Variants in RALGPS1 observed in about 807,000 individuals in gnomAD.
RALGPS1 encodes the protein Ral GEF with PH domain and SH3 binding motif 1.
In RALGPS1, 19 loss-of-function variants were observed where a neutral mutation model predicts 78.8. The observed-to-expected ratio is 0.24, with a 90% CI of 0.17 to 0.35. The LOEUF (loss-of-function observed/expected upper bound fraction) is 0.35, where lower values mean the gene tolerates loss of function less well. Ranked by LOEUF, RALGPS1 falls within the 10% of genes least tolerant of loss-of-function variation. The pLI, the probability that RALGPS1 is intolerant of heterozygous loss-of-function variation, is 1.00. For synonymous variants in RALGPS1, 228 were observed against 256.3 expected, an observed-to-expected ratio of 0.89 and a Z score of 1.06; for missense variants, 454 against 688.3, an observed-to-expected ratio of 0.66 and a Z score of 3.81.
At chr9:127,210,695 C>T in intron 14 of RALGPS1, 1 of 1,549,830 alleles carries the variant, frequency 6.5e-7, no homozygotes, top group Non-Finnish European at 8.7e-7. Flanking sequence ...TCCTCTGAAG[C>T]AGGGGACGTC....
At chr9:127,090,669 G>A (rs921651207) in intron 8 of RALGPS1, among the ~76,000 whole-genome samples, 28 of 152,224 alleles carry the variant, frequency 1.8e-4, no homozygotes, top group African/African-American at 6.8e-4. Context: ...CTTCTCAAGT[G>A]GGAGGGAGTA....
intron 14 of RALGPS1, chr9:127,210,795 G>A (rs767329338): frequency 4.4e-5 from 68 of 1,541,444 alleles, no homozygotes; most frequent in Non-Finnish European, 6.0e-5. Flanking sequence ...ATGTGTTCAT[G>A]TGTTCATTTG....
intron 4 of RALGPS1, among the ~76,000 whole-genome samples, chr9:127,018,126 G>T (rs2134076261): frequency 6.6e-6 from 1 of 152,258 alleles, no homozygotes; most frequent in East Asian, 1.9e-4. Context: ...TGAGGCAGGA[G>T]AATTGCTTGA....
intron 8 of RALGPS1, among the ~76,000 whole-genome samples, chr9:127,125,644 T>A (rs1488654356): frequency 1.3e-5 from 2 of 152,142 alleles, no homozygotes; most frequent in East Asian, 3.9e-4. Context: ...CCTGATCCTC[T>A]CCAGCATGCT....
chr9:127,182,907 T>C (rs959802936), intron 11 of RALGPS1, among the ~76,000 whole-genome samples: 2 of 152,294 alleles, frequency 1.3e-5, no homozygotes, highest in Middle Eastern at 3.4e-3. Context: ...TTTAATTGGC[T>C]CCCAGTTCTG....
Position 127,196,628 on chromosome 9 carries a change from C to G in RALGPS1, c.1192C>G (p.Leu398Val), listed in dbSNP as rs2061361235. 2.5e-6 allele frequency: 4 copies of G among 1,594,650 alleles called. No homozygotes were observed. The highest frequency in any genetic ancestry group is 1.4e-5 in the African/African-American group (1 of 73,968). ...CTCTGCTGTCACCAATGGACTCTCC[C>G]TAGGTAAGCGTCTCCGGCCTGCACA... Reference protein sequence around the residue: ...SSSAVTNGLSLGSSESSEFSE... With the variant: ...SSSAVTNGLSVGSSESSEFSE... The change falls in exon 13 of 19, where the codon CTA (leucine) becomes GTA (valine). Residue 398 changes from leucine to valine, a missense_variant. By Grantham distance (32) the Leu-to-Val change is conservative. Coordinates refer to ENST00000259351, the MANE Select transcript of RALGPS1 (RefSeq NM_014636.3).
At chr9:126,975,508 T>G (rs1273329314) in intron 3 of RALGPS1, among the ~76,000 whole-genome samples, 2 of 152,242 alleles carry the variant, frequency 1.3e-5, no homozygotes, top group African/African-American at 4.8e-5. Context: ...TAACTTGAAG[T>G]GCAGGGGAGA....
chr9:127,107,913 AC>A (rs751649221), intron 8 of RALGPS1: 2 of 1,527,254 alleles, frequency 1.3e-6, no homozygotes, highest in Non-Finnish European at 8.8e-7. Flanking sequence ...AGAAGCACTT[AC>A]CCGACGGCTT....
chr9:127,108,500 C>A, intron 8 of RALGPS1: 3 of 1,612,872 alleles, frequency 1.9e-6, no homozygotes, highest in Non-Finnish European at 2.5e-6. Flanking sequence ...TCCAGAAGCA[C>A]CTCAGGCTCC....
chr9:126,976,395 A>G, intron 3 of RALGPS1, among the ~76,000 whole-genome samples: 1 of 89,000 alleles, frequency 1.1e-5, no homozygotes, highest in Non-Finnish European at 3.2e-5. Flanking sequence ...TTACACTCAC[A>G]TTCACAGTCA....
At chr9:127,023,458 T>G (rs982095416) in intron 4 of RALGPS1, among the ~76,000 whole-genome samples, 9 of 152,214 alleles carry the variant, frequency 5.9e-5, no homozygotes, top group Admixed American at 2.6e-4. Context: ...TTTTTCTTCC[T>G]CTTTCCTTGC....
intron 8 of RALGPS1, among the ~76,000 whole-genome samples, chr9:127,071,071 T>C (rs921099382): frequency 4.0e-5 from 6 of 150,534 alleles, no homozygotes; most frequent in African/African-American, 1.5e-4. Context: ...CTAAAGCAAG[T>C]ATAACTAAAA....
chr9:126,988,157 A>G (rs2041971061), intron 4 of RALGPS1, among the ~76,000 whole-genome samples: 1 of 152,194 alleles, frequency 6.6e-6, no homozygotes, highest in Non-Finnish European at 1.5e-5. Flanking sequence ...GGTCAGCAGC[A>G]GAGGAGGTGG....
In RALGPS1 at chr9:127,211,700, TCTTCC is replaced by T. The variant is rs1390548259; in HGVS notation, c.1248-425_1248-421del. On this transcript the variant is annotated intron_variant, in intron 14 of 18. Transcript: ENST00000259351. The surrounding 1 kb of genome is among the most constrained non-coding windows in gnomAD (Gnocchi z 5.0). Reference sequence around the variant, plus strand: ...GTCCCTCCTGTCCCTCCACACCACCTCTTCCCTTCCTCGCTGCTCTCTGAGGCTCC... The same window carrying T: ...GTCCCTCCTGTCCCTCCACACCACCTCTTCCTCGCTGCTCTCTGAGGCTCC... Among the ~76,000 whole-genome samples, 1 of 152,106 alleles carries T rather than the reference TCTTCC, an allele frequency of 6.6e-6. No individual in the cohort carries two copies. Among genetic ancestry groups the T allele is most frequent in the Non-Finnish European group, 1.5e-5 (1 of 68,022 alleles).
At chr9:127,156,398 C>T (rs192114417) in intron 8 of RALGPS1, among the ~76,000 whole-genome samples, 17 of 152,270 alleles carry the variant, frequency 1.1e-4, no homozygotes, top group Admixed American at 1.1e-3. Context: ...ATGCTGTAGT[C>T]ACTCTTGTAT....
chr9:126,981,084 A>C (rs115466421), intron 4 of RALGPS1, among the ~76,000 whole-genome samples: 85 of 152,104 alleles, frequency 5.6e-4, no homozygotes, highest in African/African-American at 2.0e-3. Flanking sequence ...CTGTTTGCCA[A>C]CTCTGTGCTT....
intron 4 of RALGPS1, among the ~76,000 whole-genome samples, chr9:127,029,704 C>T (rs369760734): frequency 5.3e-5 from 8 of 152,202 alleles, no homozygotes; most frequent in Admixed American, 6.5e-5. Context: ...TCCTGTGGCC[C>T]GATGGCCTAG....
intron 10 of RALGPS1, among the ~76,000 whole-genome samples, chr9:127,173,255 A>G (rs1016325468): frequency 2.0e-5 from 3 of 152,176 alleles, no homozygotes; most frequent in South Asian, 2.1e-4. Flanking sequence ...TGCCCCGTGG[A>G]GCCTTCATTT....
At chr9:126,963,467 A>G (rs1276852415) in intron 2 of RALGPS1, among the ~76,000 whole-genome samples, 1 of 152,148 alleles carries the variant, frequency 6.6e-6, no homozygotes, top group Non-Finnish European at 1.5e-5. Flanking sequence ...AGCACAAGGT[A>G]AGTACTCAAT....
Sources: gnomAD v4.1 joint callset for allele counts (sites outside exome capture counted in the v4.1 genomes callset) on GRCh38, gnomAD v4.1.1 for gene constraint, Gnocchi (gnomAD v3.1) non-coding constraint, MANE v1.5 for transcripts, NCBI Gene and HGNC (gene_info 2026-07-23, HGNC 2026-07-21) for gene names.